Variants in ZNF12 observed in about 807,000 individuals in gnomAD.
ZNF12 encodes the protein gonadotropin inducible transcription repressor 3.
Under a neutral mutation model 66.6 loss-of-function variants are expected in ZNF12, and 34 were observed. The ratio of observed to expected loss-of-function variants is 0.51; its 90% CI spans 0.39 to 0.68. ZNF12 has a LOEUF of 0.68. Among genes scored for constraint, ZNF12 ranks in the 30% least tolerant of loss-of-function variants. ZNF12 has a pLI of 0.00. For synonymous variants in ZNF12, 320 were observed against 278.9 expected, an observed-to-expected ratio of 1.15 and a Z score of -1.47; for missense variants, 697 against 826.9, an observed-to-expected ratio of 0.84 and a Z score of 1.93.
intron 4 of ZNF12, among the ~76,000 whole-genome samples, chr7:6,694,566 C>T (rs187709687): frequency 3.3e-5 from 5 of 152,256 alleles, no homozygotes; most frequent in Admixed American, 3.3e-4. Flanking sequence ...CTGCACTTTA[C>T]ACCTTCTCAT....
intron 4 of ZNF12, among the ~76,000 whole-genome samples, chr7:6,693,887 G>A (rs543738728): frequency 1.1e-3 from 169 of 152,276 alleles, no homozygotes; most frequent in African/African-American, 3.7e-3. Flanking sequence ...CAGATCCCTG[G>A]CCGGGCGTGG....
At chr7:6,703,022 T>C (rs975746383) in intron 2 of ZNF12, among the ~76,000 whole-genome samples, 2 of 126,316 alleles carry the variant, frequency 1.6e-5, no homozygotes, top group Non-Finnish European at 3.3e-5. Flanking sequence ...CTAACACAGC[T>C]AACACAGCTC....
chr7:6,689,956 C>G lies in ZNF12; in HGVS notation c.*892G>C, dbSNP rs1429729208. On this transcript the variant is annotated 3_prime_UTR_variant, in exon 5 of 5. Transcript: ENST00000405858. Reference sequence around the variant, plus strand: ...GTATATCTTAAAACTGTATAGAGTGCAATGATTTTCTCACTCTTGGAAAAC... The same window carrying G: ...GTATATCTTAAAACTGTATAGAGTGGAATGATTTTCTCACTCTTGGAAAAC... The G allele has an allele frequency of 2.0e-5, 3 of 151,986 alleles. No individual in the cohort carries two copies. The highest frequency in any genetic ancestry group is 7.3e-5 in the African/African-American group (3 of 41,348). The allele number at this position is 151,986 out of a possible 1,614,324, so 9.4% of individuals were successfully genotyped here.
rs760749676 is a variant in ZNF12 at position 6,691,970 on chromosome 7, G to A, written c.972C>T (p.Pro324=). 1.9e-6 allele frequency: 3 copies of A among 1,613,860 alleles called. No individual in the cohort carries two copies. The highest frequency in any genetic ancestry group is 4.5e-5 in the East Asian group (2 of 44,854). The change falls in exon 5 of 5, where the codon CCC becomes CCT. Residue 324 remains proline, a synonymous_variant. Coordinates refer to ENST00000405858, the MANE Select transcript of ZNF12 (RefSeq NM_016265.4). ...TCTTCCCACATTCATTACATTCATAGGGCTTCTCCCCTGTGTGTGTTCTCT... is the reference window on the plus strand; with the variant it reads ...TCTTCCCACATTCATTACATTCATAAGGCTTCTCCCCTGTGTGTGTTCTCT... ...VHQRTHTGEK[P]YECNECGKNF...
In ZNF12 at chr7:6,690,649, G is replaced by A. The variant is rs1780050916; in HGVS notation, c.*199C>T. 1.8e-6 allele frequency: 1 copy of A among 556,372 alleles called. No homozygotes were observed. The highest frequency in any genetic ancestry group is 2.9e-5 in the East Asian group (1 of 34,060). The allele number at this position is 556,372 out of a possible 1,614,324, so 34.5% of individuals were successfully genotyped here. A position where few individuals can be genotyped will look rare whatever the true frequency, so the allele number is the denominator to read the frequency against. ...ATTTATAAATTTTTACTTGTCTATA[G>A]TCTAGTATTGTTATACCATGTGGTC... On this transcript the variant is annotated 3_prime_UTR_variant, in exon 5 of 5. Coordinates refer to ENST00000405858, the MANE Select transcript of ZNF12 (RefSeq NM_016265.4).
rs573998737 is a variant in ZNF12, at chr7:6,697,547, G to A, written c.143-113C>T. 6.6e-7 allele frequency: 1 copy of A among 1,516,194 alleles called. No homozygotes were observed. The highest frequency in any genetic ancestry group is 1.4e-5 in the African/African-American group (1 of 72,692). The allele number at this position is 1,516,194 out of a possible 1,614,324, so 93.9% of individuals were successfully genotyped here. On this transcript the variant is annotated intron_variant, in intron 3 of 4. Transcript: ENST00000405858. The surrounding 1 kb of genome is among the most constrained non-coding windows in gnomAD (Gnocchi z 6.1). ...ATCAAAATCAGAACTTTTCACGGGG[G>A]AGATCAAGACCAAAATGCCCTGCCT...
chr7:6,700,332 C>T (rs932641573), intron 2 of ZNF12, among the ~76,000 whole-genome samples: 1 of 148,810 alleles, frequency 6.7e-6, no homozygotes, highest in Non-Finnish European at 1.5e-5. Context: ...CACACACACA[C>T]ACACATATAT....
At chr7:6,703,506 C>T (rs373094306) in intron 2 of ZNF12, among the ~76,000 whole-genome samples, 16 of 152,238 alleles carry the variant, frequency 1.1e-4, no homozygotes, top group Middle Eastern at 6.8e-3. Flanking sequence ...CCATCTTTCT[C>T]GATAGGGCTA....
In ZNF12 at chr7:6,697,329, A is replaced by C; in HGVS notation, c.238+10T>G. On this transcript the variant is annotated intron_variant, in intron 4 of 4. Coordinates refer to ENST00000405858, the MANE Select transcript of ZNF12 (RefSeq NM_016265.4). The surrounding 1 kb of genome is among the most constrained non-coding windows in gnomAD (Gnocchi z 6.1). ...AGTTACCGATCTCCTCACTGCCTCC[A>C]CTAACACACCTGGATAGCTCTGAAG... The C allele has an allele frequency of 1.3e-6, 2 of 1,598,434 alleles. No homozygotes were observed. Among genetic ancestry groups the C allele is most frequent in the Non-Finnish European group, 1.7e-6 (2 of 1,171,470 alleles).
At position 6,691,050 on chromosome 7, in the gene ZNF12, T is replaced by C. The variant is rs1780059404; in HGVS notation, c.1892A>G (p.Lys631Arg). 1 of 1,614,044 alleles carries C rather than the reference T, an allele frequency of 6.2e-7. No homozygotes were observed. The highest frequency in any genetic ancestry group is 1.3e-5 in the African/African-American group (1 of 74,930). Reference sequence around the variant, plus strand: ...TCCACACTCATTACATTCAAAGGGTTTCTCTCCTGAATGAATTCGATGATG... The same window carrying C: ...TCCACACTCATTACATTCAAAGGGTCTCTCTCCTGAATGAATTCGATGATG... Reference protein sequence around the residue: ...TIHHRIHSGEKPFECNECGKA... With the variant: ...TIHHRIHSGERPFECNECGKA... Residue 631 changes from lysine (K) to arginine (R), a missense_variant, in exon 5 of 5, where the codon AAA (lysine) becomes AGA (arginine). By Grantham distance (26) the Lys-to-Arg change is conservative. Coordinates refer to ENST00000405858, the MANE Select transcript of ZNF12 (RefSeq NM_016265.4).
In ZNF12 at chr7:6,706,830, G is replaced by A. The variant is rs1398248777; in HGVS notation, c.-449C>T. The stretch of plus-strand genomic sequence containing the variant: ...CGCACAGCCCCGCGCCCGCTTGGGT[G>A]CCGGCCCGGCTCTTCGGCGCCCAGC... On this transcript the variant is annotated 5_prime_UTR_variant, in exon 1 of 5. Transcript: ENST00000405858. 5.9e-6 allele frequency: 2 copies of A among 336,982 alleles called. No individual in the cohort carries two copies. Among genetic ancestry groups the A allele is most frequent in the Non-Finnish European group, 1.1e-5 (2 of 175,926 alleles). The allele number at this position is 336,982 out of a possible 1,614,324, so 20.9% of individuals were successfully genotyped here.
Position 6,688,874 on chromosome 7 carries a change from G to A in ZNF12, c.*1974C>T, listed in dbSNP as rs192739158. On this transcript the variant is annotated 3_prime_UTR_variant, in exon 5 of 5. Transcript: ENST00000405858. The surrounding 1 kb of genome is among the most constrained non-coding windows in gnomAD (Gnocchi z 4.3). ...TATTCCATGTATTAGAAAAAAGGAG[G>A]TATGCCTAACATTGTGTCACGTTCC... is the stretch of plus-strand genomic sequence containing the variant. 1 of 152,688 alleles carries A rather than the reference G, an allele frequency of 6.5e-6. No individual in the cohort carries two copies. Among genetic ancestry groups the A allele is most frequent in the Non-Finnish European group, 1.5e-5 (1 of 68,024 alleles). The allele number at this position is 152,688 out of a possible 1,614,324, so 9.5% of individuals were successfully genotyped here.
In ZNF12 at chr7:6,697,437, G is replaced by C; in HGVS notation, c.143-3C>G. On this transcript the variant is annotated splice_polypyrimidine_tract_variant and splice_region_variant and intron_variant, in intron 3 of 4. Transcript: ENST00000405858. This position sits in a 1 kb window ranked among gnomAD's most constrained non-coding sequence, Gnocchi z 6.1. ...ATCCGGTTTGATAATGTGATACCCTGTTAATGAGAAATGAAAGAGAACTTG... is the reference window on the plus strand; with the variant it reads ...ATCCGGTTTGATAATGTGATACCCTCTTAATGAGAAATGAAAGAGAACTTG... 1 of 1,609,826 alleles carries C rather than the reference G, an allele frequency of 6.2e-7. No homozygotes were observed. Among genetic ancestry groups the C allele is most frequent in the Non-Finnish European group, 8.5e-7 (1 of 1,177,892 alleles).
chr7:6,691,619 C>T lies in ZNF12; in HGVS notation c.1323G>A (p.Glu441=), dbSNP rs759591412. 1.2e-5 allele frequency: 20 copies of T among 1,613,520 alleles called. No individual in the cohort carries two copies. The East Asian group carries it at 4.2e-4, about 34-fold the overall frequency. The part of the protein sequence containing the change: ...HTGEKPYECN[E]CGKFFSRLSY... Reference sequence around the variant, plus strand: ...ACAACCGAGAGAAGAATTTTCCACACTCATTACATTCATACGGTTTCTCTC... The same window carrying T: ...ACAACCGAGAGAAGAATTTTCCACATTCATTACATTCATACGGTTTCTCTC... Residue 441 remains glutamate, a synonymous_variant, in exon 5 of 5, where the codon GAG becomes GAA. Coordinates refer to ENST00000405858, the MANE Select transcript of ZNF12 (RefSeq NM_016265.4).
At position 6,691,794 on chromosome 7, in the gene ZNF12, C is replaced by G; in HGVS notation, c.1148G>C (p.Cys383Ser). The G allele has an allele frequency of 6.2e-7, 1 of 1,614,012 alleles. No homozygotes were observed. Residue 383 changes from cysteine (C) to serine (S), a missense_variant, in exon 5 of 5, where the codon TGT becomes TCT. Cys to Ser is a moderately radical substitution (Grantham distance 112). Around this residue, in one of 3 missense-constraint regions of ZNF12, gnomAD observed 401 missense variants for 519.0 expected, o/e 0.77. Coordinates refer to ENST00000405858, the MANE Select transcript of ZNF12 (RefSeq NM_016265.4). ...RTHSGERPYV[C>S]HDCGKTFSQK... ...CGAGAAGGTTTTCCCACAGTCATGA[C>G]AAACATAAGGTCTCTCTCCTGAATG... is the stretch of plus-strand genomic sequence containing the variant.
chr7:6,692,556 G>A lies in ZNF12; in HGVS notation c.386C>T (p.Pro129Leu), dbSNP rs1305031844. The A allele has an allele frequency of 7.4e-6, 12 of 1,613,746 alleles. No homozygotes were observed. The highest frequency in any genetic ancestry group is 9.3e-6 in the Non-Finnish European group (11 of 1,179,804). Residue 129 changes from proline to leucine, a missense_variant, in exon 5 of 5, where the codon CCT becomes CTT. By Grantham distance (98) the Pro-to-Leu change is moderately conservative. Coordinates refer to ENST00000405858, the MANE Select transcript of ZNF12 (RefSeq NM_016265.4). This position sits in a 1 kb window ranked among gnomAD's most constrained non-coding sequence, Gnocchi z 5.1. Reference protein sequence around the residue: ...KTFDVETNPVPSRKIAYKNSL... With the variant: ...KTFDVETNPVLSRKIAYKNSL... ...ATTTTTATAGGCTATTTTTCTTGAA[G>A]GAACAGGGTTCGTTTCTACATCAAA...
In ZNF12 at chr7:6,689,568, G is replaced by A. The variant is rs1780034774; in HGVS notation, c.*1280C>T. 1.3e-5 allele frequency: 2 copies of A among 152,650 alleles called. No individual in the cohort carries two copies. The highest frequency in any genetic ancestry group is 4.1e-4 in the South Asian group (2 of 4,836). The allele number at this position is 152,650 out of a possible 1,614,324, so 9.5% of individuals were successfully genotyped here. On this transcript the variant is annotated 3_prime_UTR_variant, in exon 5 of 5. Coordinates refer to ENST00000405858, the MANE Select transcript of ZNF12 (RefSeq NM_016265.4). ...TGGATAACCAAACTCCGCCAGCAGAGTAAGGGAGTGACTAAGAAAGTCACT... is the reference window on the plus strand; with the variant it reads ...TGGATAACCAAACTCCGCCAGCAGAATAAGGGAGTGACTAAGAAAGTCACT...
At position 6,691,673 on chromosome 7, in the gene ZNF12, A is replaced by G; in HGVS notation, c.1269T>C (p.Thr423=). 6.2e-7 allele frequency: 1 copy of G among 1,613,058 alleles called. No individual in the cohort carries two copies. ...ECGKCFCRKS[T]LTTHLRTHTG... is the part of the protein sequence containing the mutation. ...TGTGGGTCCTCAGGTGGGTCGTGAG[A>G]GTAGACTTGCGGCAGAAGCATTTCC... is the stretch of plus-strand genomic sequence containing the variant. The change falls in exon 5 of 5, where the codon ACT becomes ACC. Residue 423 remains threonine (T), a synonymous_variant. Transcript: ENST00000405858.
In ZNF12 at chr7:6,694,473, G is replaced by A. The variant is rs990313994; in HGVS notation, c.239-1770C>T. Among the ~76,000 whole-genome samples, 12 of 152,218 alleles carry A rather than the reference G, an allele frequency of 7.9e-5. No individual in the cohort carries two copies. The South Asian group carries it at 8.3e-4, about 11-fold the overall frequency. ...GACAGTCATCTAACAAAAATATTCCGTTGCAGGAAAAGCAAGCTATTTGTT... is the reference window on the plus strand; with the variant it reads ...GACAGTCATCTAACAAAAATATTCCATTGCAGGAAAAGCAAGCTATTTGTT... On this transcript the variant is annotated intron_variant, in intron 4 of 4. Transcript: ENST00000405858.
Sources: allele counts gnomAD v4.1 joint callset (sites outside exome capture counted in the v4.1 genomes callset), GRCh38; gene constraint gnomAD v4.1.1; regional missense constraint gnomAD v4.1.1; non-coding constraint Gnocchi (gnomAD v3.1); transcripts MANE v1.5; gene names NCBI Gene and HGNC (gene_info 2026-07-23, HGNC 2026-07-21).